SMAD6: variants seen among roughly 807,000 people sequenced by gnomAD.
The protein encoded by SMAD6 is MAD homolog 6.
A neutral mutation model predicts 39.4 loss-of-function variants in SMAD6; 103 were observed. That is an observed-to-expected ratio of 2.62 (90% CI 2.23 to 3.08). SMAD6 has a LOEUF of 3.08. Among genes scored for constraint, SMAD6 ranks in the 30% most tolerant of loss-of-function variants. The pLI, the probability that SMAD6 is intolerant of heterozygous loss-of-function variation, is 0.00. For missense variants in SMAD6, 1,104 were observed against 742.9 expected (o/e 1.49, Z -5.65); for synonymous variants, 445 against 353.3 (o/e 1.26, Z -2.91).
chr15:66,724,441 CATAA>C (rs1893487282), intron 3 of SMAD6, among the ~76,000 whole-genome samples: 1 of 152,228 alleles, frequency 6.6e-6, no homozygotes, highest in South Asian at 2.1e-4. Context: ...CTCTAAGTGC[CATAA>C]ATATATTTAT....
chr15:66,704,183 G>A (rs1893057628), intron 1 of SMAD6, 108 bp downstream of exon 1: 2 of 928,612 alleles, frequency 2.2e-6, no homozygotes, highest in South Asian at 2.8e-5. Flanking sequence ...GTGCTCCCCC[G>A]GGTGCCCTTG....
At position 66,781,534 on chromosome 15, in the gene SMAD6, A is replaced by C; in HGVS notation, c.1490A>C (p.Ter497SerextTer45). 18 of 1,332,310 alleles carry C rather than the reference A, an allele frequency of 1.4e-5. No homozygotes were observed. Among genetic ancestry groups the C allele is most frequent in the Middle Eastern group, 2.0e-4 (1 of 4,926 alleles). 82.5% of individuals were successfully genotyped at this position (1,332,310 alleles called of 1,614,324 possible). ...WLEILLNNPR[*>S] ...GAGATCCTCCTCAACAACCCCAGAT[A>C]GTGGCGGCCCCGGCGGGAGGGGCGG... The change falls in exon 4 of 4, where the codon TAG (stop) becomes TCG (serine). Residue 497 changes from the stop codon to serine (S), a stop_lost. Transcript: ENST00000288840.
intron 3 of SMAD6, among the ~76,000 whole-genome samples, chr15:66,761,451 A>G (rs919835288): frequency 6.6e-6 from 1 of 152,242 alleles, no homozygotes; most frequent in African/African-American, 2.4e-5. Flanking sequence ...TTGCAGGCAC[A>G]GGCAGGGAGT....
Position 66,703,867 on chromosome 15 carries a change from C to G in SMAD6, c.609C>G (p.Gly203=). 7.5e-7 allele frequency: 1 copy of G among 1,334,904 alleles called. No individual in the cohort carries two copies. Among genetic ancestry groups the G allele is most frequent in the Non-Finnish European group, 9.7e-7 (1 of 1,034,816 alleles). The allele number at this position is 1,334,904 out of a possible 1,614,324, so 82.7% of individuals were successfully genotyped here. ...TGGAGTCCCGCGGCGGCGTGCCGGG[C>G]GGCTGCGTGCTGGTGCCGCGCGCCG... The part of the protein sequence containing the change: ...EAVESRGGVP[G]GCVLVPRADL... The change falls in exon 1 of 4, where the codon GGC becomes GGG. Residue 203 remains glycine, a synonymous_variant. Coordinates refer to ENST00000288840, the MANE Select transcript of SMAD6 (RefSeq NM_005585.5).
intron 3 of SMAD6, among the ~76,000 whole-genome samples, chr15:66,773,185 G>C (rs1032841963): frequency 5.0e-5 from 7 of 140,122 alleles, no homozygotes; most frequent in Admixed American, 1.4e-4. Context: ...CTTCCTCTAG[G>C]AGCCAAAGGT....
chr15:66,707,848 C>T (rs1046619608), intron 1 of SMAD6: 2 of 152,288 alleles, frequency 1.3e-5, no homozygotes, highest in Non-Finnish European at 1.5e-5. Flanking sequence ...TGGATCTTTT[C>T]CTAAGCAAGA....
intron 3 of SMAD6, among the ~76,000 whole-genome samples, chr15:66,738,763 T>C (rs979146082): frequency 6.6e-6 from 1 of 151,658 alleles, no homozygotes; most frequent in African/African-American, 2.4e-5. Context: ...AGAGAGCGGG[T>C]TCTGATGGGT....
chr15:66,731,943 CTTTT>C (rs71455528), intron 3 of SMAD6, among the ~76,000 whole-genome samples: 1 of 133,240 alleles, frequency 7.5e-6, no homozygotes, highest in African/African-American at 2.8e-5. Flanking sequence ...CTCATTGTGA[CTTTT>C]TTTTTTTTTT....
At chr15:66,729,667 C>T (rs937008614) in intron 3 of SMAD6, among the ~76,000 whole-genome samples, 1 of 152,298 alleles carries the variant, frequency 6.6e-6, no homozygotes, top group Non-Finnish European at 1.5e-5. Context: ...TGTGAGTTAC[C>T]GTAAGGGATT....
chr15:66,720,908 T>C (rs1567097896), intron 3 of SMAD6, among the ~76,000 whole-genome samples: 1 of 152,106 alleles, frequency 6.6e-6, no homozygotes, highest in Admixed American at 6.5e-5. Flanking sequence ...CCTCACAGCA[T>C]GTGGGTTTCT....
At chr15:66,710,627 T>C (rs1018794407) in intron 1 of SMAD6, among the ~76,000 whole-genome samples, 1 of 152,248 alleles carries the variant, frequency 6.6e-6, no homozygotes, top group Admixed American at 6.5e-5. Flanking sequence ...TAGTTTGCGA[T>C]TTGATTGTGT....
intron 3 of SMAD6, chr15:66,716,883 C>A: frequency 1.2e-6 from 1 of 844,330 alleles, no homozygotes; most frequent in Non-Finnish European, 1.7e-6. Context: ...GTCCTCACTC[C>A]AGGGGAGGGA....
At chr15:66,774,833 A>ATTTTATTTTATTTTATTTTAT (rs1457669287) in intron 3 of SMAD6, among the ~76,000 whole-genome samples, 1 of 146,078 alleles carries the variant, frequency 6.8e-6, no homozygotes, top group African/African-American at 2.5e-5. Context: ...CACTATTCTG[A>ATTTTATTTTATTTTATTTTAT]TTTATTTTAT....
At chr15:66,773,112 G>T (rs1395370297) in intron 3 of SMAD6, among the ~76,000 whole-genome samples, 3 of 152,054 alleles carry the variant, frequency 2.0e-5, no homozygotes, top group African/African-American at 7.2e-5. Flanking sequence ...CAGGCAGGCT[G>T]CGGTGGTGGC....
chr15:66,774,272 T>A (rs1433269860), intron 3 of SMAD6, among the ~76,000 whole-genome samples: 5 of 152,222 alleles, frequency 3.3e-5, no homozygotes, highest in Non-Finnish European at 4.4e-5. Flanking sequence ...GACAGAGAAC[T>A]GCTGATTCGA....
At chr15:66,739,723 G>A (rs982877677) in intron 3 of SMAD6, among the ~76,000 whole-genome samples, 2 of 152,218 alleles carry the variant, frequency 1.3e-5, no homozygotes, top group Non-Finnish European at 2.9e-5. Context: ...AAAGAGATGC[G>A]GGGAGGGAAA....
intron 3 of SMAD6, among the ~76,000 whole-genome samples, chr15:66,750,117 C>T (rs1044141507): frequency 1.4e-5 from 2 of 147,924 alleles, no homozygotes; most frequent in Non-Finnish European, 3.1e-5. Flanking sequence ...ACGCAGGGGG[C>T]CTTCTTTGCA....
chr15:66,781,104 G>T lies in SMAD6; in HGVS notation c.1060G>T (p.Val354Phe). The T allele has an allele frequency of 1.9e-6, 3 of 1,608,670 alleles. No individual in the cohort carries two copies. Among genetic ancestry groups the T allele is most frequent in the Non-Finnish European group, 1.7e-6 (2 of 1,179,620 alleles). ...GRLYAVYDQA[V>F]SIFYDLPQGS... ...CCTCTATGCGGTGTACGACCAGGCC[G>T]TCAGCATCTTCTACGACCTACCTCA... is the stretch of plus-strand genomic sequence containing the variant. The change falls in exon 4 of 4, where the codon GTC (valine) becomes TTC (phenylalanine). Residue 354 changes from valine (V) to phenylalanine (F), a missense_variant. Val to Phe is a conservative substitution (Grantham distance 50). Transcript: ENST00000288840.
chr15:66,742,745 C>G (rs1893836978), intron 3 of SMAD6, among the ~76,000 whole-genome samples: 3 of 152,180 alleles, frequency 2.0e-5, no homozygotes, highest in Admixed American at 1.3e-4. Context: ...TGTCCACAAT[C>G]AGCACCCATT....
Sources: gnomAD v4.1 joint callset for allele counts (sites outside exome capture counted in the v4.1 genomes callset) on GRCh38, gnomAD v4.1.1 for gene constraint, MANE v1.5 for transcripts, NCBI Gene and HGNC (gene_info 2026-07-23, HGNC 2026-07-21) for gene names.